The following FNBP1 variants were observed in gnomAD, a reference collection of about 807,000 sequenced individuals.
FNBP1 encodes formin-binding protein 1.
Under a neutral mutation model 90.6 loss-of-function variants are expected in FNBP1, and 26 were observed. The ratio of observed to expected loss-of-function variants is 0.29; its 90% CI spans 0.21 to 0.40. The LOEUF (loss-of-function observed/expected upper bound fraction) is 0.40. FNBP1 is among the 10% of genes least tolerant of loss of function. The pLI is 1.00. For missense variants in FNBP1, 635 were observed against 768.0 expected, an observed-to-expected ratio of 0.83 and a Z score of 2.05; for synonymous variants, 260 against 265.2, an observed-to-expected ratio of 0.98 and a Z score of 0.19.
chr9:130,049,082 TTCC>T, the FNBP1 span, among the ~76,000 whole-genome samples: 1 of 151,926 alleles, frequency 6.6e-6, no homozygotes, highest in African/African-American at 2.4e-5. Flanking sequence ...CCCGGCCAGT[TTCC>T]TCTTCTTTAA....
intron 2 of FNBP1, among the ~76,000 whole-genome samples, chr9:129,992,462 C>T (rs2053326176): frequency 6.7e-6 from 1 of 149,948 alleles, no homozygotes; most frequent in Admixed American, 6.7e-5. Flanking sequence ...TCAATAAAAA[C>T]AAAATCTGGG....
At chr9:130,009,288 C>T (rs2056220388) in intron 1 of FNBP1, among the ~76,000 whole-genome samples, 1 of 152,174 alleles carries the variant, frequency 6.6e-6, no homozygotes. Context: ...TTCTCAACCC[C>T]ACTGCCATAG....
At chr9:130,048,547 C>G in the FNBP1 span, among the ~76,000 whole-genome samples, 4 of 135,040 alleles carry the variant, frequency 3.0e-5, no homozygotes, top group African/African-American at 1.1e-4. Context: ...GGCGCGATCT[C>G]AGCTCACTGC....
At chr9:129,906,556 GC>G (rs2038096913) in intron 12 of FNBP1, among the ~76,000 whole-genome samples, 1 of 152,172 alleles carries the variant, frequency 6.6e-6, no homozygotes, top group African/African-American at 2.4e-5. Context: ...TGTAAGACAT[GC>G]CTTTGCTCCT....
At chr9:130,051,093 G>T in the FNBP1 span, among the ~76,000 whole-genome samples, 2 of 151,980 alleles carry the variant, frequency 1.3e-5, no homozygotes, top group Non-Finnish European at 2.9e-5. Context: ...TAGAGATGGG[G>T]TTTTGCCATG....
At chr9:129,955,637 C>T (rs1167841748) in intron 6 of FNBP1, among the ~76,000 whole-genome samples, 1 of 151,876 alleles carries the variant, frequency 6.6e-6, no homozygotes, top group Non-Finnish European at 1.5e-5. Context: ...AGGAGGATCA[C>T]TTGAGCCCTG....
chr9:129,901,485 C>T (rs1222001320), intron 13 of FNBP1, among the ~76,000 whole-genome samples: 4 of 151,544 alleles, frequency 2.6e-5, no homozygotes, highest in Non-Finnish European at 5.9e-5. Context: ...TACAGTGAGT[C>T]GAGACTGCAC....
chr9:129,890,230 A>G lies in FNBP1; in HGVS notation c.*309T>C, dbSNP rs372548366. ...ACGAGCCCGGGTGGACTGAGGGCCC[A>G]GGAAGGAGCAGGTAGGGGCGTGTGT... On this transcript the variant is annotated 3_prime_UTR_variant, in exon 17 of 17. Transcript: ENST00000446176. The surrounding 1 kb of genome is among the most constrained non-coding windows in gnomAD (Gnocchi z 5.8). The G allele has an allele frequency of 4.8e-4, 234 of 484,292 alleles. No homozygotes were observed. Among genetic ancestry groups the G allele is most frequent in the African/African-American group, 4.2e-3 (211 of 50,642 alleles). 30.0% of individuals were successfully genotyped at this position (484,292 alleles called of 1,614,324 possible).
chr9:129,981,578 T>C (rs1158459844), intron 2 of FNBP1, among the ~76,000 whole-genome samples: 1 of 152,146 alleles, frequency 6.6e-6, no homozygotes. Context: ...TGGTATGTTT[T>C]GCATACCAAG....
At chr9:129,951,041 G>A (rs564889134) in intron 6 of FNBP1, among the ~76,000 whole-genome samples, 2 of 145,498 alleles carry the variant, frequency 1.4e-5, no homozygotes, top group East Asian at 2.0e-4. Flanking sequence ...GTGCGATCTC[G>A]GCTCACTGCA....
chr9:129,978,283 T>C (rs1177449312), intron 4 of FNBP1, 182 bp downstream of exon 4: 4 of 537,240 alleles, frequency 7.4e-6, no homozygotes, highest in Non-Finnish European at 1.3e-5. Flanking sequence ...CCTCCCAAAG[T>C]CCTGGGATTA....
Position 129,902,978 on chromosome 9 carries a change from T to A in FNBP1, c.1319A>T (p.Asp440Val). 1.3e-6 allele frequency: 2 copies of A among 1,589,980 alleles called. No individual in the cohort carries two copies. The highest frequency in any genetic ancestry group is 1.1e-5 in the South Asian group (1 of 88,410). ...DQRDAITKMK[D>V]VYLKNPQMGD... ...CATCTGAGGATTCTTTAGGTAGACATCTTTCATTTTTGTTATGGCATCTCT... is the reference window on the plus strand; with the variant it reads ...CATCTGAGGATTCTTTAGGTAGACAACTTTCATTTTTGTTATGGCATCTCT... The change falls in exon 13 of 17, where the codon GAT (aspartate) becomes GTT (valine). Residue 440 changes from aspartate (D) to valine (V), a missense_variant. By Grantham distance (152) the Asp-to-Val change is radical (BLOSUM62 -3). Coordinates refer to ENST00000446176, the MANE Select transcript of FNBP1 (RefSeq NM_015033.3).
At chr9:129,928,099 C>T (rs2131998035) in intron 7 of FNBP1, among the ~76,000 whole-genome samples, 1 of 152,146 alleles carries the variant, frequency 6.6e-6, no homozygotes, top group East Asian at 1.9e-4. Flanking sequence ...GTGTAGACAC[C>T]AAGAAGCAAA....
chr9:129,912,056 T>C (rs1459675129), intron 11 of FNBP1, among the ~76,000 whole-genome samples: 1 of 151,968 alleles, frequency 6.6e-6, no homozygotes, highest in African/African-American at 2.4e-5. Flanking sequence ...TTGAAGCTAG[T>C]CCATCAGAAG....
intron 8 of FNBP1, among the ~76,000 whole-genome samples, chr9:129,925,484 C>T (rs768153586): frequency 5.8e-4 from 87 of 150,612 alleles, no homozygotes; most frequent in Middle Eastern, 3.4e-3. Flanking sequence ...CCAGCCTGGG[C>T]GACAGAGTGA....
intron 16 of FNBP1, among the ~76,000 whole-genome samples, chr9:129,894,385 A>G (rs182214687): frequency 9.9e-5 from 15 of 152,202 alleles, no homozygotes; most frequent in Admixed American, 7.9e-4. Flanking sequence ...GTGGTGAGAC[A>G]TTTTACTTCA....
At chr9:129,902,201 A>AT (rs907240784) in intron 13 of FNBP1, among the ~76,000 whole-genome samples, 3 of 151,986 alleles carry the variant, frequency 2.0e-5, no homozygotes, top group East Asian at 1.9e-4. Flanking sequence ...ATTTCAGGGG[A>AT]TTTTTTTCAT....
intron 15 of FNBP1, among the ~76,000 whole-genome samples, chr9:129,896,338 G>A (rs1307710726): frequency 6.6e-6 from 1 of 152,052 alleles, no homozygotes; most frequent in African/African-American, 2.4e-5. Flanking sequence ...TCTCTCAGGA[G>A]AAAGGTACCC....
Position 129,994,844 on chromosome 9 carries a change from T to C in FNBP1, c.139A>G (p.Arg47Gly). 6.7e-7 allele frequency: 1 copy of C among 1,489,482 alleles called. No homozygotes were observed. The highest frequency in any genetic ancestry group is 1.8e-5 in the Admixed American group (1 of 56,950). 92.3% of individuals were successfully genotyped at this position (1,489,482 alleles called of 1,614,324 possible). A position where few individuals can be genotyped will look rare whatever the true frequency, so the allele number is the denominator to read the frequency against. Residue 47 changes from arginine (R) to glycine (G), a missense_variant and splice_region_variant, in exon 2 of 17, where the codon AGG becomes GGG. Physicochemically the swap from Arg to Gly is moderately radical, Grantham distance 125. Coordinates refer to ENST00000446176, the MANE Select transcript of FNBP1 (RefSeq NM_015033.3). ...EIELSYAKQL[R>G]NLSKKYQPKK... ...TAACCTTTTTCAATATCAACTTACC[T>C]GAGTTGCTTTGCATAGCTGAGTTCA...
Sources: allele counts gnomAD v4.1 joint callset (sites outside exome capture counted in the v4.1 genomes callset), GRCh38; gene constraint gnomAD v4.1.1; non-coding constraint Gnocchi (gnomAD v3.1); transcripts MANE v1.5; gene names NCBI Gene and HGNC (gene_info 2026-07-23, HGNC 2026-07-21).